Variants in ELF2 observed in about 807,000 individuals in gnomAD.
ELF2 encodes the protein E74 like ETS transcription factor 2.
Under a neutral mutation model 54.8 loss-of-function variants are expected in ELF2, and 11 were observed. The observed-to-expected ratio is 0.20, with a 90% CI of 0.13 to 0.33. The LOEUF (loss-of-function observed/expected upper bound fraction) is 0.33. Among genes scored for constraint, ELF2 ranks in the 10% least tolerant of loss-of-function variants. ELF2 has a pLI of 1.00. For missense variants in ELF2, 513 were observed against 703.0 expected (o/e 0.73, Z 3.06); for synonymous variants, 203 against 245.1 (o/e 0.83, Z 1.61).
At chr4:139,138,897 A>G (rs72931826) in intron 2 of ELF2, among the ~76,000 whole-genome samples, 3,015 of 152,308 alleles carry the variant, frequency 0.02, 39 homozygotes, top group African/African-American at 0.04. Context: ...GGTTTCAAGT[A>G]ATTTCTTAAC....
chr4:139,078,482 G>A (rs915547265), intron 4 of ELF2, among the ~76,000 whole-genome samples: 1 of 151,762 alleles, frequency 6.6e-6, no homozygotes, highest in East Asian at 1.9e-4. Context: ...GTAATTAAAG[G>A]TCTGGAATAC....
intron 1 of ELF2, among the ~76,000 whole-genome samples, chr4:139,160,742 C>T (rs1741046175): frequency 1.3e-5 from 2 of 152,054 alleles, no homozygotes; most frequent in African/African-American, 2.4e-5. Context: ...GCGGGTGGAT[C>T]ACTTGAGATC....
At position 139,164,018 on chromosome 4, in the gene ELF2, G is replaced by A. The variant is rs141470986; in HGVS notation, c.-252+12949C>T. ...GGAAAGGAAAGGGGCAAGGGCAAGA[G>A]AAAGAGAAAGAGAAGGAAGGGAGGC... On this transcript the variant is annotated intron_variant, in intron 1 of 9. Transcript: ENST00000686138. Among the ~76,000 whole-genome samples the A allele has an allele frequency of 2.8e-3, 414 of 149,770 alleles. 1 individual carries two copies. Among genetic ancestry groups the A allele is most frequent in the African/African-American group, 9.9e-3 (401 of 40,682 alleles).
intron 1 of ELF2, among the ~76,000 whole-genome samples, chr4:139,155,961 TTAATC>T (rs1408835564): frequency 6.6e-6 from 1 of 151,936 alleles, no homozygotes; most frequent in African/African-American, 2.4e-5. Flanking sequence ...AGAAAGCTCT[TTAATC>T]TGGAAGAGAA....
At chr4:139,099,326 T>C (rs1225390025) in intron 4 of ELF2, among the ~76,000 whole-genome samples, 2 of 152,238 alleles carry the variant, frequency 1.3e-5, no homozygotes, top group African/African-American at 4.8e-5. Context: ...TGTGTTCTCA[T>C]TAATAAACAA....
intron 5 of ELF2, 60 bp downstream of exon 5, chr4:139,073,394 T>C: frequency 7.9e-7 from 1 of 1,261,970 alleles, no homozygotes; most frequent in Non-Finnish European, 1.1e-6. Context: ...ACAAAAAACT[T>C]TATTTTAGAC....
chr4:139,095,556 T>G (rs536514522), intron 4 of ELF2, among the ~76,000 whole-genome samples: 1 of 152,350 alleles, frequency 6.6e-6, no homozygotes, highest in South Asian at 2.1e-4. Flanking sequence ...CTCAGCAGAT[T>G]TTAAATTTTA....
chr4:139,131,978 A>ACT (rs1299681140), intron 3 of ELF2, among the ~76,000 whole-genome samples: 1 of 152,136 alleles, frequency 6.6e-6, no homozygotes, highest in Non-Finnish European at 1.5e-5. Flanking sequence ...ATAGAATAGT[A>ACT]CTGTTGTCTG....
At chr4:139,126,877 G>C (rs1405619428) in intron 3 of ELF2, among the ~76,000 whole-genome samples, 1 of 152,072 alleles carries the variant, frequency 6.6e-6, no homozygotes, top group Admixed American at 6.6e-5. Context: ...TGCAAATACA[G>C]GATAGAAGAG....
At chr4:139,112,315 T>A (rs957675375) in intron 4 of ELF2, among the ~76,000 whole-genome samples, 2 of 152,232 alleles carry the variant, frequency 1.3e-5, no homozygotes, top group Non-Finnish European at 2.9e-5. Flanking sequence ...TCCCATAAAC[T>A]TTTAATTAAT....
chr4:139,134,618 A>T (rs112685026), intron 3 of ELF2, among the ~76,000 whole-genome samples: 1,710 of 28,422 alleles, frequency 0.06, 29 homozygotes, highest in African/African-American at 0.2. Context: ...ATTTTATTTT[A>T]TTTATTTTAT....
At chr4:139,111,743 A>G (rs1220130778) in intron 4 of ELF2, among the ~76,000 whole-genome samples, 1 of 152,114 alleles carries the variant, frequency 6.6e-6, no homozygotes, top group Non-Finnish European at 1.5e-5. Context: ...CAAAGCATCT[A>G]CCTTGTTAAC....
Position 139,151,316 on chromosome 4 carries a change from G to C in ELF2, c.-251-11819C>G, listed in dbSNP as rs953648147. Among the ~76,000 whole-genome samples the C allele has an allele frequency of 3.3e-5, 5 of 152,064 alleles. No individual in the cohort carries two copies. The Middle Eastern group carries it at 0.017, about 517-fold the overall frequency. ...TGAGACACCGAAAGCAAAAAGCAAA[G>C]AATTAGTTTTGACTATATCAAAACT... is the stretch of plus-strand genomic sequence containing the variant. On this transcript the variant is annotated intron_variant, in intron 1 of 9. Coordinates refer to ENST00000686138, the MANE Select transcript of ELF2 (RefSeq NM_001331036.3).
chr4:139,158,780 C>T (rs1740801940), intron 1 of ELF2, among the ~76,000 whole-genome samples: 1 of 152,036 alleles, frequency 6.6e-6, no homozygotes. Context: ...CAAGGGAGTC[C>T]AAGGGGGTTT....
In ELF2 at chr4:139,071,852, T is replaced by C; in HGVS notation, c.526+14A>G. On this transcript the variant is annotated intron_variant, in intron 6 of 9. Transcript: ENST00000686138. The stretch of plus-strand genomic sequence containing the variant: ...TTTCACCTGCCTTCTCAGAAATGTA[T>C]AAATATACTCTACCTTTTTTCTTTT... 2 of 1,575,972 alleles carry C rather than the reference T, an allele frequency of 1.3e-6. No homozygotes were observed. Among genetic ancestry groups the C allele is most frequent in the Non-Finnish European group, 1.7e-6 (2 of 1,169,922 alleles).
intron 4 of ELF2, among the ~76,000 whole-genome samples, chr4:139,074,944 G>T (rs551820995): frequency 2.0e-5 from 3 of 152,234 alleles, no homozygotes; most frequent in African/African-American, 7.2e-5. Flanking sequence ...TATACTGAGG[G>T]ACAACTGTAC....
At chr4:139,132,390 T>A (rs925756938) in intron 3 of ELF2, among the ~76,000 whole-genome samples, 2 of 152,124 alleles carry the variant, frequency 1.3e-5, no homozygotes, top group African/African-American at 4.8e-5. Context: ...AACATTTCCA[T>A]CACCCCAGAA....
chr4:139,177,260 C>T (rs1026614498), upstream of ELF2: 2 of 148,890 alleles, frequency 1.3e-5, no homozygotes, highest in Non-Finnish European at 3.0e-5. Flanking sequence ...CCTCCCTCCA[C>T]CCCCCGCCTC....
At chr4:139,124,213 A>T (rs1293826171) in intron 4 of ELF2, among the ~76,000 whole-genome samples, 1 of 152,170 alleles carries the variant, frequency 6.6e-6, no homozygotes, top group Non-Finnish European at 1.5e-5. Flanking sequence ...TTTCCATTAT[A>T]CCTGAGGTTT....
Sources: allele counts gnomAD v4.1 joint callset (sites outside exome capture counted in the v4.1 genomes callset), GRCh38; gene constraint gnomAD v4.1.1; transcripts MANE v1.5; gene names NCBI Gene and HGNC (gene_info 2026-07-23, HGNC 2026-07-21).